DLGAP2: variants seen among roughly 807,000 people sequenced by gnomAD.
The protein encoded by DLGAP2 is DLG associated protein 2, also known as disks large-associated protein 2.
A neutral mutation model predicts 100.3 loss-of-function variants in DLGAP2; 26 were observed. The ratio of observed to expected loss-of-function variants is 0.26; its 90% confidence interval spans 0.19 to 0.36. The LOEUF is 0.36. Ranked by LOEUF, DLGAP2 falls within the 10% of genes least tolerant of loss-of-function variation. The pLI, the probability that DLGAP2 is intolerant of heterozygous loss-of-function variation, is 1.00. For synonymous variants in DLGAP2, 886 were observed against 630.1 expected (o/e 1.41, Z -6.08); for missense variants, 1,858 against 1,453.2 (o/e 1.28, Z -4.53).
At chr8:860,832 A>T (rs1424584563) in intron 1 of DLGAP2, among the ~76,000 whole-genome samples, 1 of 152,200 alleles carries the variant, frequency 6.6e-6, no homozygotes, top group African/African-American at 2.4e-5. Flanking sequence ...AGAAGCAGAC[A>T]AATCATGCCG....
chr8:985,967 T>G (rs563663165), intron 2 of DLGAP2, among the ~76,000 whole-genome samples: 1 of 152,314 alleles, frequency 6.6e-6, no homozygotes, highest in South Asian at 2.1e-4. Context: ...CTGAAGAAGA[T>G]GCTCATTAGA....
intron 2 of DLGAP2, among the ~76,000 whole-genome samples, chr8:1,233,367 C>T (rs1798577024): frequency 6.6e-6 from 1 of 152,196 alleles, no homozygotes; most frequent in African/African-American, 2.4e-5. Context: ...GCCTTTAATT[C>T]AATAGCAGAA....
intron 1 of DLGAP2, among the ~76,000 whole-genome samples, chr8:810,104 C>T (rs1416452527): frequency 6.6e-6 from 1 of 152,190 alleles, no homozygotes; most frequent in African/African-American, 2.4e-5. Flanking sequence ...AACTACTGTT[C>T]ATGACTTGTA....
At chr8:756,919 A>T (rs1820935745) in intron 1 of DLGAP2, among the ~76,000 whole-genome samples, 1 of 152,108 alleles carries the variant, frequency 6.6e-6, no homozygotes, top group Non-Finnish European at 1.5e-5. Flanking sequence ...GTTTTGGCAG[A>T]CCCAGATTTC....
chr8:1,512,830 T>G (rs538624952), intron 4 of DLGAP2, among the ~76,000 whole-genome samples: 1 of 152,230 alleles, frequency 6.6e-6, no homozygotes, highest in African/African-American at 2.4e-5. Flanking sequence ...GGTCACACTC[T>G]AGGTTTCTAA....
At chr8:904,495 G>A (rs1798334330) in intron 1 of DLGAP2, among the ~76,000 whole-genome samples, 2 of 152,234 alleles carry the variant, frequency 1.3e-5, no homozygotes, top group Non-Finnish European at 2.9e-5. Flanking sequence ...ACTCCAGCCT[G>A]GGCGATAGAA....
intron 8 of DLGAP2, among the ~76,000 whole-genome samples, chr8:1,636,543 C>G (rs1482834661): frequency 6.6e-6 from 1 of 152,128 alleles, no homozygotes; most frequent in Non-Finnish European, 1.5e-5. Context: ...TAAAATTTTA[C>G]TTCTTTGCTG....
At chr8:1,313,600 A>T (rs1348287358) in intron 3 of DLGAP2, among the ~76,000 whole-genome samples, 1 of 152,206 alleles carries the variant, frequency 6.6e-6, no homozygotes, top group African/African-American at 2.4e-5. Flanking sequence ...TCCTCAGGCC[A>T]TTCAGTAACA....
chr8:1,197,824 C>T (rs1797785554), intron 2 of DLGAP2, among the ~76,000 whole-genome samples: 2 of 152,172 alleles, frequency 1.3e-5, no homozygotes, highest in Non-Finnish European at 2.9e-5. Flanking sequence ...CCTCCTGCAG[C>T]GTTCCCTCCC....
At chr8:1,635,473 C>G (rs1797744816) in intron 8 of DLGAP2, among the ~76,000 whole-genome samples, 2 of 152,108 alleles carry the variant, frequency 1.3e-5, no homozygotes, top group Admixed American at 1.3e-4. Flanking sequence ...CAATAGCTGT[C>G]ATTTACTGAT....
At chr8:1,623,507 G>C (rs987507983) in intron 6 of DLGAP2, among the ~76,000 whole-genome samples, 6 of 149,958 alleles carry the variant, frequency 4.0e-5, no homozygotes, top group African/African-American at 7.4e-5. Flanking sequence ...ACCAGTGCGT[G>C]ATGACCTGAC....
intron 1 of DLGAP2, among the ~76,000 whole-genome samples, chr8:889,355 A>G (rs2128995222): frequency 6.6e-6 from 1 of 152,262 alleles, no homozygotes; most frequent in East Asian, 1.9e-4. Flanking sequence ...AGGGAAGCAC[A>G]TGTGTCTGGG....
intron 1 of DLGAP2, among the ~76,000 whole-genome samples, chr8:840,354 T>C (rs7831384): frequency 0.016 from 1,053 of 67,596 alleles, 30 homozygotes; most frequent in African/African-American, 0.022. Context: ...CGAGCGCGTC[T>C]ACACGGTGCA....
intron 2 of DLGAP2, among the ~76,000 whole-genome samples, chr8:1,031,126 G>A (rs1236144639): frequency 1.3e-5 from 2 of 152,208 alleles, no homozygotes; most frequent in African/African-American, 2.4e-5. Flanking sequence ...TGCGTCTTAC[G>A]AGTTCCACTT....
intron 2 of DLGAP2, among the ~76,000 whole-genome samples, chr8:994,485 C>A (rs1360804045): frequency 6.6e-6 from 1 of 152,218 alleles, no homozygotes; most frequent in Non-Finnish European, 1.5e-5. Context: ...CAGGCATGAG[C>A]CACTGCACCC....
At chr8:1,373,137 G>A (rs1378650154) in intron 3 of DLGAP2, among the ~76,000 whole-genome samples, 3 of 152,150 alleles carry the variant, frequency 2.0e-5, no homozygotes, top group Non-Finnish European at 1.5e-5. Context: ...GTGGGGCGGG[G>A]GCGTCTTCAT....
chr8:1,678,751 G>A (rs1035119981), intron 12 of DLGAP2, 122 bp downstream of exon 12: 1 of 1,076,472 alleles, frequency 9.3e-7, no homozygotes, highest in Non-Finnish European at 1.2e-6. Flanking sequence ...GGAAATAAAT[G>A]TGCTTTCTAG....
At position 1,417,161 on chromosome 8, in the gene DLGAP2, G is replaced by A. The variant is rs1221761985; in HGVS notation, c.107-84205G>A. The stretch of plus-strand genomic sequence containing the variant: ...TGAGGCGGGGGAGACTCTGAGTGAA[G>A]GGGAAGCCCCCGTTCATTTAGTGTC... On this transcript the variant is annotated intron_variant, in intron 3 of 14. Transcript: ENST00000637795. 5.6e-5 allele frequency among the ~76,000 whole-genome samples: 5 copies of A among 88,570 alleles called. 1 individual carries two copies. The allele number at this position is 88,570 out of a possible 152,430, so 58.1% of individuals were successfully genotyped here.
chr8:1,132,711 G>T (rs1247903430), intron 2 of DLGAP2, among the ~76,000 whole-genome samples: 1 of 152,200 alleles, frequency 6.6e-6, no homozygotes, highest in African/African-American at 2.4e-5. Context: ...CTCCCTGATG[G>T]CTATAGCAAG....
Sources: allele counts gnomAD v4.1 joint callset (sites outside exome capture counted in the v4.1 genomes callset), GRCh38; gene constraint gnomAD v4.1.1; transcripts MANE v1.5; gene names NCBI Gene and HGNC (gene_info 2026-07-23, HGNC 2026-07-21).